Variants in ACOT12 observed in about 807,000 individuals in gnomAD.
ACOT12 encodes acetyl-coenzyme A thioesterase.
A neutral mutation model predicts 67.7 loss-of-function variants in ACOT12; 51 were observed. The ratio of observed to expected loss-of-function variants is 0.75; its 90% CI spans 0.60 to 0.95. The LOEUF (loss-of-function observed/expected upper bound fraction) is 0.95. Ranked by LOEUF, ACOT12 falls within the 40% of genes least tolerant of loss-of-function variation. ACOT12 has a pLI of 0.00. For synonymous variants in ACOT12, 251 were observed against 244.6 expected (o/e 1.03, Z -0.24); for missense variants, 734 against 708.1 (o/e 1.04, Z -0.41).
chr5:81,348,544 C>G (rs1759453172), intron 5 of ACOT12, among the ~76,000 whole-genome samples: 1 of 152,106 alleles, frequency 6.6e-6, no homozygotes, highest in African/African-American at 2.4e-5. Context: ...AAGACACAAT[C>G]TGTTATACTT....
At chr5:81,348,627 C>T (rs1459829412) in intron 5 of ACOT12, among the ~76,000 whole-genome samples, 12 of 152,252 alleles carry the variant, frequency 7.9e-5, no homozygotes, top group Middle Eastern at 3.4e-3. Context: ...TGCAGTGGTG[C>T]GATCTCAGCT....
At chr5:81,310,798 T>G in the ACOT12 span, among the ~76,000 whole-genome samples, 1 of 152,230 alleles carries the variant, frequency 6.6e-6, no homozygotes, top group South Asian at 2.1e-4. Context: ...AATCTGTTTT[T>G]GGGCCATTGA....
Position 81,359,968 on chromosome 5 carries a change from C to A in ACOT12, c.431G>T (p.Arg144Met), listed in dbSNP as rs1759852558. Residue 144 changes from arginine to methionine, a missense_variant, in exon 5 of 15, where the codon AGG (arginine) becomes ATG (methionine). Arg to Met is a moderately conservative substitution (Grantham distance 91). Coordinates refer to ENST00000307624, the MANE Select transcript of ACOT12 (RefSeq NM_130767.3). The stretch of plus-strand genomic sequence containing the variant: ...ATCTTCATGTTGTAATCGAACTTTC[C>A]TTCTCTCAGCAGCCAGATTATGTTC... ...HVEHNLAAERRKVRLQHEDTF... is the reference protein window; with the variant it reads ...HVEHNLAAERMKVRLQHEDTF... 1 of 1,612,382 alleles carries A rather than the reference C, an allele frequency of 6.2e-7. No individual in the cohort carries two copies. The highest frequency in any genetic ancestry group is 1.3e-5 in the African/African-American group (1 of 74,840).
intron 5 of ACOT12, among the ~76,000 whole-genome samples, chr5:81,352,182 T>C (rs997124543): frequency 5.3e-5 from 8 of 152,214 alleles, no homozygotes; most frequent in East Asian, 3.9e-4. Flanking sequence ...ACAACCCCTA[T>C]GAAGAACAGT....
intron 12 of ACOT12, among the ~76,000 whole-genome samples, chr5:81,332,959 C>G (rs1410770989): frequency 6.6e-6 from 1 of 151,628 alleles, no homozygotes; most frequent in Non-Finnish European, 1.5e-5. Context: ...CTCCCAGCTA[C>G]TCGAGAGGTT....
chr5:81,337,977 A>G (rs77585568), intron 11 of ACOT12, among the ~76,000 whole-genome samples: 2,822 of 152,160 alleles, frequency 0.019, 25 homozygotes, highest in African/African-American at 0.023. Flanking sequence ...AATGTCAGGT[A>G]CAGTACTGGA....
At chr5:81,342,620 G>T (rs1007614201) in intron 11 of ACOT12, 52 bp downstream of exon 11, 1 of 1,570,910 alleles carries the variant, frequency 6.4e-7, no homozygotes. Context: ...CACCACCACA[G>T]CTTTCGTTTG....
At chr5:81,345,802 C>G (rs143168016) in intron 7 of ACOT12, 83 bp downstream of exon 7, 2 of 1,554,300 alleles carry the variant, frequency 1.3e-6, no homozygotes, top group Admixed American at 3.5e-5. Flanking sequence ...AAAGTAGTTC[C>G]CATACTCACC....
chr5:81,344,302 A>G lies in ACOT12; in HGVS notation c.925-87T>C, dbSNP rs900290968. The G allele has an allele frequency of 2.2e-6, 3 of 1,342,038 alleles. No individual in the cohort carries two copies. The African/African-American group carries it at 4.4e-5, about 20-fold the overall frequency. 83.1% of individuals were successfully genotyped at this position (1,342,038 alleles called of 1,614,324 possible). On this transcript the variant is annotated intron_variant, in intron 8 of 14. Coordinates refer to ENST00000307624, the MANE Select transcript of ACOT12 (RefSeq NM_130767.3). ...ATAATCCTTAAGTATCCTTCTCCTA[A>G]ATCAGTCAAAAGGGCTAACTGAGAT...
At chr5:81,332,223 G>T (rs1758850563) in intron 13 of ACOT12, among the ~76,000 whole-genome samples, 1 of 152,156 alleles carries the variant, frequency 6.6e-6, no homozygotes, top group Admixed American at 6.5e-5. Context: ...AAGGTTTACT[G>T]AATACCAGTT....
chr5:81,308,810 T>C, the ACOT12 span: 4 of 1,470,988 alleles, frequency 2.7e-6, no homozygotes, highest in Non-Finnish European at 3.6e-6. Flanking sequence ...GTGTGCCACT[T>C]AGTATTTGGA....
At chr5:81,333,713 T>C (rs1758903945) in intron 12 of ACOT12, among the ~76,000 whole-genome samples, 1 of 152,202 alleles carries the variant, frequency 6.6e-6, no homozygotes, top group Admixed American at 6.5e-5. Flanking sequence ...GAAGTGTTCC[T>C]CTTCTCTCAG....
At chr5:81,356,272 A>T (rs73766222) in intron 5 of ACOT12, among the ~76,000 whole-genome samples, 1 of 152,038 alleles carries the variant, frequency 6.6e-6, no homozygotes, top group African/African-American at 2.4e-5. Context: ...GACAGGTTTT[A>T]TTCCTCACTT....
At chr5:81,321,428 G>A in the ACOT12 span, among the ~76,000 whole-genome samples, 1 of 152,082 alleles carries the variant, frequency 6.6e-6, no homozygotes, top group Non-Finnish European at 1.5e-5. Flanking sequence ...TCACCTTGGG[G>A]GTTAGGATTT....
intron 12 of ACOT12, among the ~76,000 whole-genome samples, chr5:81,334,951 G>C (rs1758950054): frequency 6.6e-6 from 1 of 152,158 alleles, no homozygotes; most frequent in African/African-American, 2.4e-5. Context: ...AGGAGGGGGA[G>C]CAGGAAGGCA....
chr5:81,375,352 G>C (rs550214921), intron 2 of ACOT12, among the ~76,000 whole-genome samples: 2 of 152,144 alleles, frequency 1.3e-5, no homozygotes, highest in African/African-American at 4.8e-5. Flanking sequence ...CACCAAACAT[G>C]GAAAGGAACA....
At chr5:81,321,200 A>T in the ACOT12 span, among the ~76,000 whole-genome samples, 1 of 152,190 alleles carries the variant, frequency 6.6e-6, no homozygotes, top group South Asian at 2.1e-4. Context: ...AGGCTGCAGT[A>T]AGCTAAGATC....
intron 2 of ACOT12, among the ~76,000 whole-genome samples, chr5:81,380,499 G>T (rs940277544): frequency 6.9e-6 from 1 of 145,596 alleles, no homozygotes; most frequent in African/African-American, 2.7e-5. Context: ...GGGAGGCAGA[G>T]GTTGCAGTGA....
chr5:81,337,251 G>C (rs1462699565), intron 11 of ACOT12, among the ~76,000 whole-genome samples: 3 of 152,250 alleles, frequency 2.0e-5, no homozygotes, highest in Non-Finnish European at 4.4e-5. Flanking sequence ...GCTGAGGGCA[G>C]GTGGCCAGGG....
Sources: gnomAD v4.1 joint callset for allele counts (sites outside exome capture counted in the v4.1 genomes callset) on GRCh38, gnomAD v4.1.1 for gene constraint, MANE v1.5 for transcripts, NCBI Gene and HGNC (gene_info 2026-07-23, HGNC 2026-07-21) for gene names.